The following ANP32A variants were observed in gnomAD, a reference collection of about 807,000 sequenced individuals.
The protein encoded by ANP32A is acidic leucine-rich nuclear phosphoprotein 32 family member A.
ANP32A carries 1 observed loss-of-function variant against 33.9 expected under a neutral mutation model. The observed-to-expected ratio is 0.03, with a 90% CI of 0.01 to 0.14. ANP32A has a LOEUF of 0.14. ANP32A is among the 10% of genes least tolerant of loss of function. The pLI is 1.00. For synonymous variants in ANP32A, 115 were observed against 120.5 expected, an observed-to-expected ratio of 0.95 and a Z score of 0.30; for missense variants, 155 against 306.0, an observed-to-expected ratio of 0.51 and a Z score of 3.68.
intron 1 of ANP32A, among the ~76,000 whole-genome samples, chr15:68,809,528 T>C (rs1362220131): frequency 6.6e-6 from 1 of 152,218 alleles, no homozygotes; most frequent in Non-Finnish European, 1.5e-5. Flanking sequence ...ATAGGTAGTG[T>C]ATGTGAATAA....
intron 1 of ANP32A, among the ~76,000 whole-genome samples, chr15:68,811,320 C>T (rs1156791529): frequency 6.6e-6 from 1 of 152,090 alleles, no homozygotes; most frequent in Non-Finnish European, 1.5e-5. Context: ...GAAGCATCCC[C>T]AGCTGGAGAA....
At chr15:68,805,297 C>G (rs143147231) in intron 1 of ANP32A, among the ~76,000 whole-genome samples, 2 of 152,264 alleles carry the variant, frequency 1.3e-5, no homozygotes, top group African/African-American at 4.8e-5. Context: ...TGGGCGGTGT[C>G]TCCGCCTAGG....
At chr15:68,795,559 T>C (rs911477196) in intron 1 of ANP32A, among the ~76,000 whole-genome samples, 6 of 152,204 alleles carry the variant, frequency 3.9e-5, no homozygotes, top group Admixed American at 1.3e-4. Flanking sequence ...ACCGGCTTCC[T>C]CTGTCTCCTC....
Position 68,780,588 on chromosome 15 carries a change from C to T in ANP32A, c.625-115G>A. ...CACCCCCAGCCTCTCAGAGCCCCCA[C>T]CAAGACTTGACATCTCGGGAGGAAT... On this transcript the variant is annotated intron_variant, in intron 5 of 6. Coordinates refer to ENST00000465139, the MANE Select transcript of ANP32A (RefSeq NM_006305.4). This position sits in a 1 kb window ranked among gnomAD's most constrained non-coding sequence, Gnocchi z 4.3. 6.7e-7 allele frequency: 1 copy of T among 1,498,812 alleles called. No individual in the cohort carries two copies. The highest frequency in any genetic ancestry group is 8.9e-7 in the Non-Finnish European group (1 of 1,126,604). The allele number at this position is 1,498,812 out of a possible 1,614,324, so 92.8% of individuals were successfully genotyped here.
At chr15:68,795,504 C>T (rs1440022830) in intron 1 of ANP32A, among the ~76,000 whole-genome samples, 1 of 152,214 alleles carries the variant, frequency 6.6e-6, no homozygotes, top group East Asian at 1.9e-4. Flanking sequence ...GCGGGGAGGG[C>T]CCGCATTAAC....
At chr15:68,816,590 G>A (rs1158940827) in intron 1 of ANP32A, among the ~76,000 whole-genome samples, 1 of 152,074 alleles carries the variant, frequency 6.6e-6, no homozygotes, top group African/African-American at 2.4e-5. Flanking sequence ...GACTAAAACT[G>A]TCATATAGAC....
intron 2 of ANP32A, 44 bp downstream of exon 2, chr15:68,787,726 C>A (rs1419177726): frequency 1.4e-5 from 20 of 1,424,414 alleles, no homozygotes; most frequent in Non-Finnish European, 1.9e-5. Flanking sequence ...CCTTCCCACT[C>A]CCCACCCCCG....
intron 1 of ANP32A, among the ~76,000 whole-genome samples, chr15:68,813,325 G>A (rs1894337142): frequency 6.6e-6 from 1 of 152,164 alleles, no homozygotes; most frequent in Non-Finnish European, 1.5e-5. Flanking sequence ...TAGACAAGGA[G>A]GCTGCTTCCA....
rs1413311207 is a variant in ANP32A, at chr15:68,780,144, T to C, written c.689-2A>G. The C allele has an allele frequency of 1.2e-6, 2 of 1,613,692 alleles. No individual in the cohort carries two copies. The highest frequency in any genetic ancestry group is 1.7e-6 in the Non-Finnish European group (2 of 1,179,714). ...TTCGCTTCTGACCCCTTTCTTCTTC[T>C]GGAAAAGTAAGAAAGCGGCATTTAG... On this transcript the variant is annotated splice_acceptor_variant, in intron 6 of 6. Transcript: ENST00000465139. LOFTEE classifies it high-confidence loss of function. This position sits in a 1 kb window ranked among gnomAD's most constrained non-coding sequence, Gnocchi z 4.3.
intron 1 of ANP32A, among the ~76,000 whole-genome samples, chr15:68,813,719 C>T (rs1894341394): frequency 6.6e-6 from 1 of 152,198 alleles, no homozygotes; most frequent in South Asian, 2.1e-4. Context: ...TCCTCTTAAA[C>T]TAAGTTAGAA....
At chr15:68,801,576 A>G (rs1467800837) in intron 1 of ANP32A, among the ~76,000 whole-genome samples, 6 of 152,130 alleles carry the variant, frequency 3.9e-5, no homozygotes, top group Admixed American at 1.3e-4. Flanking sequence ...TTTTATAAGC[A>G]TGTTTCTTAC....
intron 1 of ANP32A, among the ~76,000 whole-genome samples, chr15:68,800,753 A>AAAAGAAAG (rs1315608802): frequency 6.7e-5 from 10 of 149,700 alleles, no homozygotes; most frequent in African/African-American, 2.2e-4. Flanking sequence ...CAAAAAAAAA[A>AAAAGAAAG]AAAAGAAAGA....
chr15:68,799,363 C>T (rs1894101398), intron 1 of ANP32A, among the ~76,000 whole-genome samples: 1 of 152,122 alleles, frequency 6.6e-6, no homozygotes, highest in Admixed American at 6.5e-5. Flanking sequence ...TCCAGAGTTC[C>T]ATCCTCTTCA....
At chr15:68,784,678 C>T in intron 3 of ANP32A, 83 bp from the exon 4 acceptor site, 2 of 1,480,032 alleles carry the variant, frequency 1.4e-6, no homozygotes, top group Non-Finnish European at 9.4e-7. Flanking sequence ...GGCAAGGATG[C>T]CATGAGATAG....
At chr15:68,820,498 G>C (rs1471577786) in intron 1 of ANP32A, among the ~76,000 whole-genome samples, 200 bp downstream of exon 1, 2 of 152,042 alleles carry the variant, frequency 1.3e-5, no homozygotes, top group Non-Finnish European at 2.9e-5. Flanking sequence ...CACACCAAGG[G>C]CAGCGGCGGC....
At position 68,780,824 on chromosome 15, in the gene ANP32A, G is replaced by C. The variant is rs181774732; in HGVS notation, c.625-351C>G. The C allele has an allele frequency of 6.8e-4, 135 of 198,676 alleles. No homozygotes were observed. Among genetic ancestry groups the C allele is most frequent in the African/African-American group, 2.9e-3 (124 of 42,918 alleles). The allele number at this position is 198,676 out of a possible 1,614,324, so 12.3% of individuals were successfully genotyped here. A position where few individuals can be genotyped will look rare whatever the true frequency, so the allele number is the denominator to read the frequency against. On this transcript the variant is annotated intron_variant, in intron 5 of 6. Transcript: ENST00000465139. The surrounding 1 kb of genome is among the most constrained non-coding windows in gnomAD (Gnocchi z 4.3). Reference sequence around the variant, plus strand: ...CTCCAGTCTGCACATTCTCTGAGGAGAACAAGTTCCCGAGCAGACTCCCTG... The same window carrying C: ...CTCCAGTCTGCACATTCTCTGAGGACAACAAGTTCCCGAGCAGACTCCCTG...
At position 68,784,405 on chromosome 15, in the gene ANP32A, T is replaced by A; in HGVS notation, c.518A>T (p.Asp173Val). The stretch of plus-strand genomic sequence containing the variant: ...CGCACCCTGTCACCCACCATCCTCA[T>A]CCTCCTCCTCATCATCCAGGCCCTC... Reference protein sequence around the residue: ...YVEGLDDEEEDEDEEEYDEDA... With the variant: ...YVEGLDDEEEVEDEEEYDEDA... Residue 173 changes from aspartate to valine, a missense_variant, in exon 4 of 7, where the codon GAT becomes GTT. Physicochemically the swap from Asp to Val is radical, Grantham distance 152. This residue lies in a region of ANP32A where 85 missense variants were observed against 183.8 expected (regional missense o/e 0.46). Coordinates refer to ENST00000465139, the MANE Select transcript of ANP32A (RefSeq NM_006305.4). The A allele has an allele frequency of 6.2e-7, 1 of 1,609,764 alleles. No homozygotes were observed. The highest frequency in any genetic ancestry group is 8.5e-7 in the Non-Finnish European group (1 of 1,177,170).
chr15:68,784,332 G>T, intron 4 of ANP32A, 65 bp downstream of exon 4: 104 of 1,355,060 alleles, frequency 7.7e-5, no homozygotes, highest in Non-Finnish European at 9.6e-5. Context: ...CCTCTGCAAA[G>T]CCAAGGACGA....
chr15:68,789,401 A>T (rs1893972719), intron 1 of ANP32A: 1 of 152,402 alleles, frequency 6.6e-6, no homozygotes, highest in South Asian at 2.1e-4. Flanking sequence ...CTTCTCTTGG[A>T]TAAGCAGCCA....
Sources: gnomAD v4.1 joint callset for allele counts (sites outside exome capture counted in the v4.1 genomes callset) on GRCh38, gnomAD v4.1.1 for gene constraint, gnomAD v4.1.1 regional missense constraint, Gnocchi (gnomAD v3.1) non-coding constraint, MANE v1.5 for transcripts, NCBI Gene and HGNC (gene_info 2026-07-23, HGNC 2026-07-21) for gene names.